Variants in GABRG3 observed in about 807,000 individuals in gnomAD.
GABRG3 encodes gamma-aminobutyric acid type A receptor subunit gamma3.
A neutral mutation model predicts 48.8 loss-of-function variants in GABRG3; 25 were observed. The observed-to-expected ratio is 0.51, with a 90% CI of 0.37 to 0.72. The LOEUF (loss-of-function observed/expected upper bound fraction) is 0.72. Among genes scored for constraint, GABRG3 ranks in the 30% least tolerant of loss-of-function variants. GABRG3 has a pLI of 0.00. For missense variants in GABRG3, 394 were observed against 577.9 expected, an observed-to-expected ratio of 0.68 and a Z score of 3.26; for synonymous variants, 227 against 217.6, an observed-to-expected ratio of 1.04 and a Z score of -0.38.
intron 5 of GABRG3, among the ~76,000 whole-genome samples, chr15:27,424,872 ATATCACATTGGTGAT>A (rs1888243284): frequency 6.6e-6 from 1 of 152,070 alleles, no homozygotes; most frequent in South Asian, 2.1e-4. Flanking sequence ...CCTCTTAATA[ATATCACATTGGTGAT>A]TACATTTCAG....
intron 3 of GABRG3, among the ~76,000 whole-genome samples, chr15:27,216,777 AATTTTT>A (rs1291545772): frequency 2.0e-4 from 12 of 59,916 alleles, no homozygotes; most frequent in African/African-American, 8.6e-4. Context: ...TTTATTTTTT[AATTTTT>A]TTTTTTATTA....
chr15:27,223,663 G>A (rs572512046), intron 3 of GABRG3, among the ~76,000 whole-genome samples: 1 of 152,294 alleles, frequency 6.6e-6, no homozygotes, highest in African/African-American at 2.4e-5. Flanking sequence ...TAGATGTGCA[G>A]ATAATGATGC....
intron 3 of GABRG3, among the ~76,000 whole-genome samples, chr15:27,094,235 T>C (rs1257928827): frequency 1.3e-5 from 2 of 152,198 alleles, no homozygotes; most frequent in East Asian, 1.9e-4. Flanking sequence ...CTTCAGAGGC[T>C]GCAGGGGTGA....
At chr15:27,097,995 A>G (rs567499619) in intron 3 of GABRG3, among the ~76,000 whole-genome samples, 2 of 151,956 alleles carry the variant, frequency 1.3e-5, no homozygotes, top group Non-Finnish European at 2.9e-5. Flanking sequence ...AAAGAAAAAA[A>G]AAAAGAAACT....
At chr15:27,135,488 G>A (rs1283406774) in intron 3 of GABRG3, among the ~76,000 whole-genome samples, 1 of 152,200 alleles carries the variant, frequency 6.6e-6, no homozygotes, top group Non-Finnish European at 1.5e-5. Flanking sequence ...ACTTAGTGTA[G>A]ATATTTAAGG....
At chr15:27,370,573 A>T in intron 5 of GABRG3, among the ~76,000 whole-genome samples, 1 of 152,156 alleles carries the variant, frequency 6.6e-6, no homozygotes, top group East Asian at 1.9e-4. Context: ...GCACTGTGAC[A>T]TGCTCCTGTT....
At chr15:27,329,775 G>T (rs1231573700) in intron 5 of GABRG3, among the ~76,000 whole-genome samples, 1 of 152,098 alleles carries the variant, frequency 6.6e-6, no homozygotes, top group Non-Finnish European at 1.5e-5. Flanking sequence ...TAGTATAAGA[G>T]TACATATAAA....
At chr15:27,163,070 G>T (rs980441340) in intron 3 of GABRG3, among the ~76,000 whole-genome samples, 1 of 151,900 alleles carries the variant, frequency 6.6e-6, no homozygotes, top group Non-Finnish European at 1.5e-5. Context: ...GTCCCATGTG[G>T]CTGCTCCCTA....
Position 27,453,895 on chromosome 15 carries a change from C to T in GABRG3, c.575-26755C>T, listed in dbSNP as rs529728169. ...GGTATCACAGGCATGAGCCACCACACCCAGCCAACTTCTTAAGCCCTTCTC... is the reference window on the plus strand; with the variant it reads ...GGTATCACAGGCATGAGCCACCACATCCAGCCAACTTCTTAAGCCCTTCTC... On this transcript the variant is annotated intron_variant, in intron 5 of 9. Coordinates refer to ENST00000615808, the MANE Select transcript of GABRG3 (RefSeq NM_033223.5). 1.7e-4 allele frequency among the ~76,000 whole-genome samples: 26 copies of T among 152,346 alleles called. No individual in the cohort carries two copies. The East Asian group carries it at 3.7e-3, about 21-fold the overall frequency.
intron 3 of GABRG3, among the ~76,000 whole-genome samples, chr15:27,253,041 C>G (rs931825896): frequency 1.3e-5 from 2 of 152,212 alleles, no homozygotes; most frequent in Non-Finnish European, 2.9e-5. Flanking sequence ...GCGCCTTGCA[C>G]GTTTAGACAC....
At chr15:27,382,445 A>G (rs1002952504) in intron 5 of GABRG3, among the ~76,000 whole-genome samples, 1 of 152,186 alleles carries the variant, frequency 6.6e-6, no homozygotes, top group African/African-American at 2.4e-5. Context: ...AAAACAAGTA[A>G]AAGTTCTAAG....
At position 27,383,046 on chromosome 15, in the gene GABRG3, A is replaced by C. The variant is rs532664860; in HGVS notation, c.574+54158A>C. On this transcript the variant is annotated intron_variant, in intron 5 of 9. Coordinates refer to ENST00000615808, the MANE Select transcript of GABRG3 (RefSeq NM_033223.5). ...GGATGAAATCACCTAGGTGTAAGTGAAGGGAGAAGAAAAGTGATTGATAGA... is the reference window on the plus strand; with the variant it reads ...GGATGAAATCACCTAGGTGTAAGTGCAGGGAGAAGAAAAGTGATTGATAGA... Among the ~76,000 whole-genome samples the C allele has an allele frequency of 2.6e-5, 4 of 152,240 alleles. No individual in the cohort carries two copies. In the South Asian group the frequency reaches 8.3e-4, roughly 32 times the overall value.
chr15:27,070,954 C>T (rs1268993717), intron 3 of GABRG3, among the ~76,000 whole-genome samples: 1 of 152,210 alleles, frequency 6.6e-6, no homozygotes, highest in African/African-American at 2.4e-5. Flanking sequence ...AGGTCCTCTC[C>T]AGCCTAAGGA....
At chr15:27,516,304 C>A (rs1891017248) in intron 6 of GABRG3, among the ~76,000 whole-genome samples, 2 of 152,102 alleles carry the variant, frequency 1.3e-5, no homozygotes, top group South Asian at 4.1e-4. Context: ...ATTTTATGTT[C>A]TCTGAGAAAC....
intron 3 of GABRG3, among the ~76,000 whole-genome samples, chr15:27,216,135 C>T (rs183415532): frequency 8.3e-4 from 126 of 152,240 alleles, no homozygotes; most frequent in Non-Finnish European, 1.5e-3. Flanking sequence ...AGAGAGTAGC[C>T]GTCCTGTAGA....
chr15:27,054,679 A>C (rs1314382114), intron 3 of GABRG3, among the ~76,000 whole-genome samples: 1 of 152,186 alleles, frequency 6.6e-6, no homozygotes, highest in Non-Finnish European at 1.5e-5. Context: ...ATGGATACAG[A>C]TCAGTCTTGA....
intron 5 of GABRG3, among the ~76,000 whole-genome samples, chr15:27,451,060 T>A (rs146356765): frequency 1.1e-3 from 163 of 152,278 alleles, no homozygotes; most frequent in Non-Finnish European, 1.7e-3. Flanking sequence ...AAATACCCCA[T>A]GTTCATGGAT....
chr15:27,343,615 G>T (rs1425829063), intron 5 of GABRG3, among the ~76,000 whole-genome samples: 1 of 152,162 alleles, frequency 6.6e-6, no homozygotes, highest in Non-Finnish European at 1.5e-5. Context: ...TGCGTTAATA[G>T]CTTAAGATGA....
At chr15:27,218,747 C>G (rs560673012) in intron 3 of GABRG3, among the ~76,000 whole-genome samples, 1 of 152,074 alleles carries the variant, frequency 6.6e-6, no homozygotes, top group Non-Finnish European at 1.5e-5. Context: ...GCATAGTGCT[C>G]GGGAGTCAGA....
Sources: gnomAD v4.1 joint callset for allele counts (sites outside exome capture counted in the v4.1 genomes callset) on GRCh38, gnomAD v4.1.1 for gene constraint, MANE v1.5 for transcripts, NCBI Gene and HGNC (gene_info 2026-07-23, HGNC 2026-07-21) for gene names.